NTM: variants seen among roughly 807,000 people sequenced by gnomAD.
NTM encodes IgLON family member 2.
NTM carries 13 observed loss-of-function variants against 42.1 expected under a neutral mutation model. That is an observed-to-expected ratio of 0.31 (90% confidence interval 0.20 to 0.49). The LOEUF (loss-of-function observed/expected upper bound fraction) is 0.49. Ranked by LOEUF, NTM falls within the 20% of genes least tolerant of loss-of-function variation. The pLI is 0.99. For synonymous variants in NTM, 187 were observed against 179.2 expected (o/e 1.04, Z -0.35); for missense variants, 373 against 452.8 (o/e 0.82, Z 1.60).
At chr11:131,841,978 A>G (rs192604901) in intron 1 of NTM, among the ~76,000 whole-genome samples, 1 of 152,022 alleles carries the variant, frequency 6.6e-6, no homozygotes, top group East Asian at 1.9e-4. Flanking sequence ...GGCGAATTCA[A>G]ATTTGTTTCC....
At chr11:131,611,292 T>C (rs2061443737) in intron 1 of NTM, among the ~76,000 whole-genome samples, 1 of 152,206 alleles carries the variant, frequency 6.6e-6, no homozygotes, top group Non-Finnish European at 1.5e-5. Flanking sequence ...AATAGCACGA[T>C]ATCCTAGGAT....
chr11:131,931,481 G>GTGTGTA (rs1471116350), intron 2 of NTM, among the ~76,000 whole-genome samples: 1 of 150,992 alleles, frequency 6.6e-6, no homozygotes, highest in African/African-American at 2.4e-5. Flanking sequence ...GTGTGTGTGT[G>GTGTGTA]TGTGTGTGTG....
At chr11:132,129,115 T>TTG (rs370465309) in intron 2 of NTM, among the ~76,000 whole-genome samples, 12 of 151,710 alleles carry the variant, frequency 7.9e-5, no homozygotes, top group Non-Finnish European at 1.5e-4. Flanking sequence ...AGATGTGTGT[T>TTG]TGTGTGTGTG....
At chr11:131,731,144 G>A (rs1263478987) in intron 1 of NTM, among the ~76,000 whole-genome samples, 2 of 151,924 alleles carry the variant, frequency 1.3e-5, no homozygotes, top group East Asian at 1.9e-4. Flanking sequence ...TTTGTGTGGC[G>A]CACCTCCTCC....
chr11:131,888,540 G>C (rs556105865), intron 1 of NTM, among the ~76,000 whole-genome samples: 1 of 152,030 alleles, frequency 6.6e-6, no homozygotes, highest in Non-Finnish European at 1.5e-5. Context: ...GCAGCATCCC[G>C]AGACAGGTCT....
Position 132,002,574 on chromosome 11 carries a change from C to T in NTM, c.167+90926C>T, listed in dbSNP as rs116956644. ...TGTCTGTCCCCCAAATTGGAGGCTT[C>T]TGGCCATTGCTTGAATAACTTTCTG... On this transcript the variant is annotated intron_variant, in intron 2 of 8. Coordinates refer to ENST00000683400, the MANE Select transcript of NTM (RefSeq NM_001352005.2). This position sits in a 1 kb window ranked among gnomAD's most constrained non-coding sequence, Gnocchi z 4.5. Among the ~76,000 whole-genome samples, 802 of 152,316 alleles carry T rather than the reference C, an allele frequency of 5.3e-3. 6 individuals carry two copies. Among genetic ancestry groups the T allele is most frequent in the Middle Eastern group, 0.017 (5 of 292 alleles).
chr11:131,915,922 G>T (rs548271501), intron 2 of NTM, among the ~76,000 whole-genome samples: 46 of 152,322 alleles, frequency 3.0e-4, no homozygotes, highest in Admixed American at 6.5e-4. Context: ...TACAATTCAA[G>T]ATGAGATTTG....
At chr11:131,789,813 G>A (rs1474181217) in intron 1 of NTM, among the ~76,000 whole-genome samples, 41 of 150,338 alleles carry the variant, frequency 2.7e-4, no homozygotes, top group African/African-American at 5.6e-4. Flanking sequence ...AAAATTAGCC[G>A]GGTGTGGTGG....
At chr11:132,120,645 G>T (rs2064647178) in intron 2 of NTM, among the ~76,000 whole-genome samples, 1 of 152,154 alleles carries the variant, frequency 6.6e-6, no homozygotes. Flanking sequence ...TTCTTCATCT[G>T]GTAGTAGGCA....
chr11:131,726,570 T>C (rs2078997300), intron 1 of NTM, among the ~76,000 whole-genome samples: 1 of 151,264 alleles, frequency 6.6e-6, no homozygotes, highest in Non-Finnish European at 1.5e-5. Context: ...TAAAATTGGC[T>C]ACCAACCATC....
chr11:131,493,389 G>GA (rs1955001019), intron 1 of NTM, among the ~76,000 whole-genome samples: 1 of 152,068 alleles, frequency 6.6e-6, no homozygotes, highest in African/African-American at 2.4e-5. Flanking sequence ...AAGACCCATG[G>GA]AAAAAAAGAG....
intron 4 of NTM, among the ~76,000 whole-genome samples, chr11:132,216,052 G>T (rs1249039545): frequency 6.6e-6 from 1 of 152,236 alleles, no homozygotes; most frequent in African/African-American, 2.4e-5. Flanking sequence ...ATGACTCTGT[G>T]CTTTGCCCTT....
intron 1 of NTM, among the ~76,000 whole-genome samples, chr11:131,753,249 T>A (rs1005408897): frequency 1.3e-5 from 2 of 152,140 alleles, no homozygotes; most frequent in Non-Finnish European, 2.9e-5. Context: ...CAACAGGTGC[T>A]GGAGAGGATA....
rs1945159421 is a variant in NTM, at chr11:131,401,758, C to T, written c.82+30870C>T. Among the ~76,000 whole-genome samples, 4 of 119,786 alleles carry T rather than the reference C, an allele frequency of 3.3e-5. No homozygotes were observed. The Admixed American group carries it at 3.5e-4, about 11-fold the overall frequency. The allele number at this position is 119,786 out of a possible 152,430, so 78.6% of individuals were successfully genotyped here. Reference sequence around the variant, plus strand: ...TTACCATTGAAAACTTCTTCATTACCCCATAATTATCCTCATCATTATGTG... The same window carrying T: ...TTACCATTGAAAACTTCTTCATTACTCCATAATTATCCTCATCATTATGTG... On this transcript the variant is annotated intron_variant, in intron 1 of 8. Coordinates refer to ENST00000683400, the MANE Select transcript of NTM (RefSeq NM_001352005.2).
chr11:132,013,960 A>G (rs1199755248), intron 2 of NTM, among the ~76,000 whole-genome samples: 1 of 152,136 alleles, frequency 6.6e-6, no homozygotes, highest in East Asian at 1.9e-4. Flanking sequence ...ATACACTGCT[A>G]TTGAATATTA....
At chr11:132,222,259 C>A (rs1410060057) in intron 4 of NTM, among the ~76,000 whole-genome samples, 10 of 152,188 alleles carry the variant, frequency 6.6e-5, no homozygotes, top group Non-Finnish European at 1.2e-4. Flanking sequence ...TCCTCTCTTC[C>A]ACCTGGATGG....
chr11:131,989,932 A>G (rs999674641), intron 2 of NTM, among the ~76,000 whole-genome samples: 1 of 152,160 alleles, frequency 6.6e-6, no homozygotes, highest in African/African-American at 2.4e-5. Flanking sequence ...CAAATGGCCA[A>G]AACTGATGTC....
chr11:131,997,238 G>A (rs952825348), intron 2 of NTM, among the ~76,000 whole-genome samples: 1 of 152,154 alleles, frequency 6.6e-6, no homozygotes, highest in Non-Finnish European at 1.5e-5. Flanking sequence ...TCATGCCCCT[G>A]GCCCACCCAG....
Position 131,930,914 on chromosome 11 carries a change from G to A in NTM, c.167+19266G>A, listed in dbSNP as rs78402833. 1.3e-3 allele frequency among the ~76,000 whole-genome samples: 192 copies of A among 152,238 alleles called. 1 individual carries two copies. The highest frequency in any genetic ancestry group is 3.4e-3 in the Middle Eastern group (1 of 294). On this transcript the variant is annotated intron_variant, in intron 2 of 8. Transcript: ENST00000683400. ...CTCAGTCATTTCAGGTAATTAACTGGTCTACAACCCATCAGTCAGAAGTGC... is the reference window on the plus strand; with the variant it reads ...CTCAGTCATTTCAGGTAATTAACTGATCTACAACCCATCAGTCAGAAGTGC...
Sources: allele counts gnomAD v4.1 joint callset (sites outside exome capture counted in the v4.1 genomes callset), GRCh38; gene constraint gnomAD v4.1.1; non-coding constraint Gnocchi (gnomAD v3.1); transcripts MANE v1.5; gene names NCBI Gene and HGNC (gene_info 2026-07-23, HGNC 2026-07-21).